The following LRMDA variants were observed in gnomAD, a reference collection of about 807,000 sequenced individuals.
LRMDA encodes the protein leucine-rich melanocyte differentiation-associated protein.
Under a neutral mutation model 29.8 loss-of-function variants are expected in LRMDA, and 18 were observed. That is an observed-to-expected ratio of 0.60 (90% CI 0.42 to 0.90). LRMDA has a LOEUF of 0.90. Among genes scored for constraint, LRMDA ranks in the 40% least tolerant of loss-of-function variants. LRMDA has a pLI of 0.00. For synonymous variants in LRMDA, 125 were observed against 109.4 expected (o/e 1.14, Z -0.89); for missense variants, 273 against 273.9 (o/e 1.00, Z 0.02).
intron 2 of LRMDA, among the ~76,000 whole-genome samples, chr10:75,504,543 A>G (rs948808829): frequency 3.3e-5 from 5 of 152,214 alleles, no homozygotes; most frequent in African/African-American, 1.2e-4. Flanking sequence ...AGACAGCCTC[A>G]TAGGATAAAT....
intron 2 of LRMDA, among the ~76,000 whole-genome samples, chr10:75,541,425 CAG>C (rs10562076): frequency 0.014 from 1,941 of 137,412 alleles, 35 homozygotes; most frequent in African/African-American, 0.047. Context: ...TTTTTTTAAG[CAG>C]AGACTATTTT....
At chr10:75,690,709 G>C (rs1842133876) in intron 2 of LRMDA, among the ~76,000 whole-genome samples, 1 of 151,988 alleles carries the variant, frequency 6.6e-6, no homozygotes, top group African/African-American at 2.4e-5. Flanking sequence ...TGTGGTCCCA[G>C]CACTTTGGGA....
At chr10:76,207,104 G>A (rs1478669547) in intron 5 of LRMDA, among the ~76,000 whole-genome samples, 3 of 152,192 alleles carry the variant, frequency 2.0e-5, no homozygotes, top group African/African-American at 7.2e-5. Context: ...TTACTAATTG[G>A]CACTTTGAAA....
intron 5 of LRMDA, among the ~76,000 whole-genome samples, chr10:76,300,222 G>A (rs1564716061): frequency 6.6e-6 from 1 of 152,198 alleles, no homozygotes; most frequent in African/African-American, 2.4e-5. Context: ...TAGACTGTGA[G>A]ATCTGTAGTC....
intron 2 of LRMDA, among the ~76,000 whole-genome samples, chr10:75,651,568 A>G (rs1036341657): frequency 2.0e-5 from 3 of 152,220 alleles, no homozygotes; most frequent in African/African-American, 7.2e-5. Context: ...AAGCCAAATC[A>G]TGTTGGCTTA....
chr10:76,461,604 T>C (rs1842512654), intron 6 of LRMDA, among the ~76,000 whole-genome samples: 1 of 152,176 alleles, frequency 6.6e-6, no homozygotes, highest in South Asian at 2.1e-4. Context: ...AGTTGTGTAA[T>C]AAAGCTCCTG....
chr10:75,906,028 C>A (rs138278016), intron 2 of LRMDA, among the ~76,000 whole-genome samples: 3 of 151,400 alleles, frequency 2.0e-5, no homozygotes, highest in African/African-American at 7.3e-5. Context: ...GTCAGAAGAA[C>A]CTCATCCTAG....
At chr10:75,514,673 C>T (rs758991953) in intron 2 of LRMDA, among the ~76,000 whole-genome samples, 3 of 152,246 alleles carry the variant, frequency 2.0e-5, no homozygotes, top group Middle Eastern at 3.4e-3. Context: ...TATCTCCCTC[C>T]TCCTCTTGCT....
chr10:75,613,414 A>G (rs1841058678), intron 2 of LRMDA, among the ~76,000 whole-genome samples: 1 of 152,168 alleles, frequency 6.6e-6, no homozygotes, highest in Admixed American at 6.5e-5. Context: ...GGAGGGGAAC[A>G]TTGTTGTGTG....
intron 5 of LRMDA, among the ~76,000 whole-genome samples, chr10:76,239,264 C>T (rs1005231956): frequency 5.3e-5 from 8 of 152,024 alleles, no homozygotes; most frequent in Non-Finnish European, 1.2e-4. Context: ...TAACCTCAGC[C>T]CAGACATCAG....
intron 5 of LRMDA, among the ~76,000 whole-genome samples, chr10:76,083,626 C>T (rs1019007375): frequency 2.6e-5 from 4 of 152,142 alleles, no homozygotes; most frequent in East Asian, 1.9e-4. Flanking sequence ...ATCAGGAGTT[C>T]GAGACCAGCC....
rs114933141 is a variant in LRMDA at position 75,457,301 on chromosome 10, C to A, written c.131+18807C>A. Among the ~76,000 whole-genome samples, 838 of 152,320 alleles carry A rather than the reference C, an allele frequency of 5.5e-3. 5 individuals carry two copies. The highest frequency in any genetic ancestry group is 0.019 in the African/African-American group (809 of 41,566). ...TTCATTGTTGTCCTAAGATCTTTAT[C>A]TGGCAAACTAGTATAGGTTGACTGA... On this transcript the variant is annotated intron_variant, in intron 2 of 6. Coordinates refer to ENST00000611255, the MANE Select transcript of LRMDA (RefSeq NM_001305581.2).
chr10:76,147,054 G>A (rs1176724709), intron 5 of LRMDA, among the ~76,000 whole-genome samples: 2 of 152,208 alleles, frequency 1.3e-5, no homozygotes, highest in Non-Finnish European at 2.9e-5. Flanking sequence ...TGAGAGATCC[G>A]CTGTTAGTCT....
intron 5 of LRMDA, among the ~76,000 whole-genome samples, chr10:76,208,607 G>C (rs148309208): frequency 6.6e-6 from 1 of 152,162 alleles, no homozygotes; most frequent in Non-Finnish European, 1.5e-5. Flanking sequence ...CTCAATGCGG[G>C]GAAACCAGCT....
In LRMDA at chr10:76,029,841, T is replaced by C. The variant is rs543219221; in HGVS notation, c.132-6167T>C. 2.6e-5 allele frequency among the ~76,000 whole-genome samples: 4 copies of C among 152,336 alleles called. No homozygotes were observed. In the South Asian group the frequency reaches 8.3e-4, roughly 32 times the overall value. On this transcript the variant is annotated intron_variant, in intron 2 of 6. Coordinates refer to ENST00000611255, the MANE Select transcript of LRMDA (RefSeq NM_001305581.2). ...AGGGATTAGCCATCATGTTGGGGTC[T>C]CAATAGAGCTTTGGGGTTGACTTTG... is the stretch of plus-strand genomic sequence containing the variant.
At chr10:76,314,557 G>GCAGT (rs1009645984) in intron 5 of LRMDA, among the ~76,000 whole-genome samples, 21 of 152,294 alleles carry the variant, frequency 1.4e-4, no homozygotes, top group African/African-American at 5.1e-4. Context: ...GAAAGTGACT[G>GCAGT]CACATCATTA....
intron 2 of LRMDA, among the ~76,000 whole-genome samples, chr10:75,750,026 C>A (rs1198405710): frequency 1.3e-5 from 2 of 152,262 alleles, no homozygotes; most frequent in African/African-American, 4.8e-5. Context: ...ATGTCTACTT[C>A]TTTCTACACA....
intron 2 of LRMDA, among the ~76,000 whole-genome samples, chr10:75,776,071 C>A (rs1181150785): frequency 1.3e-5 from 2 of 152,146 alleles, no homozygotes; most frequent in African/African-American, 2.4e-5. Context: ...TATTAATTAA[C>A]CTTACCCCAA....
At chr10:76,539,093 T>C (rs1379024023) in intron 6 of LRMDA, among the ~76,000 whole-genome samples, 1 of 152,180 alleles carries the variant, frequency 6.6e-6, no homozygotes, top group Non-Finnish European at 1.5e-5. Context: ...CATCCTAATA[T>C]GTATTAACTT....
Sources: allele counts gnomAD v4.1 joint callset (sites outside exome capture counted in the v4.1 genomes callset), GRCh38; gene constraint gnomAD v4.1.1; transcripts MANE v1.5; gene names NCBI Gene and HGNC (gene_info 2026-07-23, HGNC 2026-07-21).